EIF4G3: variants seen among roughly 807,000 people sequenced by gnomAD.
The protein encoded by EIF4G3 is eIF-4-gamma 3.
EIF4G3 carries 34 observed loss-of-function variants against 186.4 expected under a neutral mutation model. The ratio of observed to expected loss-of-function variants is 0.18; its 90% confidence interval spans 0.14 to 0.24. EIF4G3 has a LOEUF of 0.24. Among genes scored for constraint, EIF4G3 ranks in the 10% least tolerant of loss-of-function variants. The pLI, the probability that EIF4G3 is intolerant of heterozygous loss-of-function variation, is 1.00. For synonymous variants in EIF4G3, 673 were observed against 679.5 expected (o/e 0.99, Z 0.15); for missense variants, 1,536 against 1,948.5 (o/e 0.79, Z 3.99).
chr1:21,107,892 G>A (rs1476277945), intron 2 of EIF4G3, among the ~76,000 whole-genome samples: 8 of 152,184 alleles, frequency 5.3e-5, no homozygotes, highest in South Asian at 2.1e-4. Flanking sequence ...TTGTGCCTGC[G>A]ATCCCAGAAC....
At chr1:20,946,051 C>G (rs2095934444) in intron 13 of EIF4G3, among the ~76,000 whole-genome samples, 1 of 152,162 alleles carries the variant, frequency 6.6e-6, no homozygotes, top group Non-Finnish European at 1.5e-5. Flanking sequence ...ACTGGGTTGT[C>G]TTTTGGTTGT....
At chr1:20,899,675 A>G in intron 16 of EIF4G3, 22 bp downstream of exon 16, 1 of 1,613,184 alleles carries the variant, frequency 6.2e-7, no homozygotes. Context: ...AGAGGTACAT[A>G]GGAAGGCAGG....
intron 14 of EIF4G3, among the ~76,000 whole-genome samples, chr1:20,922,825 G>T (rs2094576920): frequency 6.6e-6 from 1 of 152,212 alleles, no homozygotes; most frequent in Non-Finnish European, 1.5e-5. Flanking sequence ...GATAAGGATT[G>T]TATTTTGTTG....
rs1407514374 is a variant in EIF4G3 at position 20,981,648 on chromosome 1, TATACATAC to T, written c.199-429_199-422del. ...TACATGTATACGCACATACTGTATG[TATACATAC>T]ATGTATACGCACATACTGTATGTAT... On this transcript the variant is annotated intron_variant, in intron 8 of 36. Coordinates refer to ENST00000602326, the MANE Select transcript of EIF4G3 (RefSeq NM_001391906.1). 1.7e-3 allele frequency among the ~76,000 whole-genome samples: 216 copies of T among 127,728 alleles called. 16 individuals are homozygous for T. Among genetic ancestry groups the T allele is most frequent in the African/African-American group, 6.0e-3 (206 of 34,468 alleles). The allele number at this position is 127,728 out of a possible 152,430, so 83.8% of individuals were successfully genotyped here. A position where few individuals can be genotyped will look rare whatever the true frequency, so the allele number is the denominator to read the frequency against.
chr1:20,853,527 G>T, intron 27 of EIF4G3, 33 bp downstream of exon 27: 1 of 1,468,670 alleles, frequency 6.8e-7, no homozygotes, highest in Non-Finnish European at 9.5e-7. Context: ...AAGCGGGCCA[G>T]CCTTGAGTAG....
At chr1:21,147,481 C>G (rs1204796698) in intron 2 of EIF4G3, among the ~76,000 whole-genome samples, 1 of 151,756 alleles carries the variant, frequency 6.6e-6, no homozygotes, top group Non-Finnish European at 1.5e-5. Flanking sequence ...GCTGGGATTA[C>G]AGGTTCCTGC....
At chr1:21,092,610 A>C (rs573818536) in intron 2 of EIF4G3, among the ~76,000 whole-genome samples, 2 of 152,296 alleles carry the variant, frequency 1.3e-5, no homozygotes, top group South Asian at 4.1e-4. Flanking sequence ...TTTAAAGTTC[A>C]TCTGGAACCA....
intron 2 of EIF4G3, among the ~76,000 whole-genome samples, chr1:21,129,184 GGGT>G (rs1271354488): frequency 2.6e-5 from 4 of 152,010 alleles, no homozygotes; most frequent in Non-Finnish European, 5.9e-5. Context: ...GCGTGGTGGC[GGGT>G]GCCTGTAATC....
chr1:21,128,049 T>A (rs2097082279), intron 2 of EIF4G3, among the ~76,000 whole-genome samples: 1 of 150,720 alleles, frequency 6.6e-6, no homozygotes, highest in Admixed American at 6.6e-5. Context: ...ATAAAAAAAA[T>A]ACAAAAAATT....
At chr1:21,146,220 G>A (rs1054116421) in intron 2 of EIF4G3, among the ~76,000 whole-genome samples, 1 of 152,154 alleles carries the variant, frequency 6.6e-6, no homozygotes, top group African/African-American at 2.4e-5. Context: ...GCCAGGCATA[G>A]GGGTGTGCAC....
chr1:21,082,761 G>A (rs150208559), intron 3 of EIF4G3, among the ~76,000 whole-genome samples: 22,274 of 151,932 alleles, frequency 0.15, 2,163 homozygotes, highest in Admixed American at 0.21. Flanking sequence ...AAAATTGGCC[G>A]GGCGCGGTGG....
At chr1:21,010,871 G>A (rs2086843359) in intron 4 of EIF4G3, among the ~76,000 whole-genome samples, 1 of 152,160 alleles carries the variant, frequency 6.6e-6, no homozygotes, top group Admixed American at 6.5e-5. Context: ...CTTAAGCATA[G>A]CACTTGTTTT....
At chr1:20,873,503 G>A (rs2079818158) in intron 20 of EIF4G3, among the ~76,000 whole-genome samples, 1 of 152,000 alleles carries the variant, frequency 6.6e-6, no homozygotes, top group African/African-American at 2.4e-5. Context: ...GTAAATATCT[G>A]GTACATTTAG....
intron 17 of EIF4G3, among the ~76,000 whole-genome samples, chr1:20,895,136 A>C (rs1253141629): frequency 6.6e-6 from 1 of 152,172 alleles, no homozygotes; most frequent in Admixed American, 6.5e-5. Context: ...ATAAATCAAT[A>C]AACATTAAAA....
At chr1:20,879,715 A>T (rs2081784290) in intron 19 of EIF4G3, among the ~76,000 whole-genome samples, 195 bp from the exon 20 acceptor site, 1 of 152,188 alleles carries the variant, frequency 6.6e-6, no homozygotes, top group South Asian at 2.1e-4. Flanking sequence ...TTCACTACTG[A>T]GGAGAATTCT....
At chr1:20,837,493 C>T (rs539353481) in intron 30 of EIF4G3, among the ~76,000 whole-genome samples, 1 of 152,150 alleles carries the variant, frequency 6.6e-6, no homozygotes, top group Non-Finnish European at 1.5e-5. Context: ...CGTGAGCCAC[C>T]GCGCCTGGCT....
chr1:20,916,064 T>C (rs574084857), intron 14 of EIF4G3, among the ~76,000 whole-genome samples: 2 of 152,258 alleles, frequency 1.3e-5, no homozygotes, highest in Non-Finnish European at 2.9e-5. Flanking sequence ...TTCCATATAC[T>C]AGTAACAAAA....
intron 7 of EIF4G3, among the ~76,000 whole-genome samples, chr1:20,990,872 ATATT>A (rs1338227486): frequency 6.6e-6 from 1 of 152,196 alleles, no homozygotes; most frequent in African/African-American, 2.4e-5. Context: ...AGGCATGCCT[ATATT>A]TATTAACTTG....
chr1:20,969,430 T>C (rs750972911), intron 12 of EIF4G3, 44 bp downstream of exon 12: 1 of 1,610,740 alleles, frequency 6.2e-7, no homozygotes, highest in East Asian at 2.2e-5. Context: ...CAGTAGAGGT[T>C]AGTGAACAAA....
Sources: allele counts gnomAD v4.1 joint callset (sites outside exome capture counted in the v4.1 genomes callset), GRCh38; gene constraint gnomAD v4.1.1; transcripts MANE v1.5; gene names NCBI Gene and HGNC (gene_info 2026-07-23, HGNC 2026-07-21).